NEK6: variants seen among roughly 807,000 people sequenced by gnomAD.
The protein encoded by NEK6 is serine/threonine-protein kinase Nek6.
A neutral mutation model predicts 43.5 loss-of-function variants in NEK6; 27 were observed. The observed-to-expected ratio is 0.62, with a 90% confidence interval of 0.46 to 0.86. NEK6 has a LOEUF of 0.86. Among genes scored for constraint, NEK6 ranks in the 40% least tolerant of loss-of-function variants. The probability of loss-of-function intolerance (pLI) is 0.00; values close to 1 mark genes in which losing one functional copy is unlikely to be tolerated. For missense variants in NEK6, 318 were observed against 414.4 expected (o/e 0.77, Z 2.02); for synonymous variants, 167 against 164.1 (o/e 1.02, Z -0.14).
At chr9:124,263,774 C>T (rs371498370) in intron 1 of NEK6, among the ~76,000 whole-genome samples, 76 of 152,290 alleles carry the variant, frequency 5.0e-4, no homozygotes, top group African/African-American at 1.7e-3. Flanking sequence ...AAGGAGACAG[C>T]GCAGTTTGCA....
chr9:124,290,407 A>G (rs1160928847), intron 1 of NEK6, among the ~76,000 whole-genome samples: 1 of 152,208 alleles, frequency 6.6e-6, no homozygotes, highest in African/African-American at 2.4e-5. Context: ...GGCACCTGGC[A>G]TGTGCCCGAC....
At chr9:124,328,096 G>C (rs368578841) in intron 7 of NEK6, among the ~76,000 whole-genome samples, 2 of 152,322 alleles carry the variant, frequency 1.3e-5, no homozygotes, top group South Asian at 4.1e-4. Context: ...GGGTCGGGGG[G>C]TGCTGAAGGG....
chr9:124,265,412 C>T (rs1437557026), intron 1 of NEK6, among the ~76,000 whole-genome samples: 1 of 152,118 alleles, frequency 6.6e-6, no homozygotes, highest in African/African-American at 2.4e-5. Context: ...ATCCCAGCTA[C>T]TCAGGAGGCT....
At chr9:124,335,435 A>T (rs1046658324) in intron 7 of NEK6, among the ~76,000 whole-genome samples, 2 of 152,338 alleles carry the variant, frequency 1.3e-5, no homozygotes, top group African/African-American at 4.8e-5. Context: ...TCTCACAAGC[A>T]GGGCTTTAAG....
intron 4 of NEK6, among the ~76,000 whole-genome samples, chr9:124,320,558 T>A (rs1486717052): frequency 1.3e-5 from 2 of 152,104 alleles, no homozygotes; most frequent in Non-Finnish European, 2.9e-5. Context: ...GATATTCGAG[T>A]CCCCTCTGCT....
intron 6 of NEK6, among the ~76,000 whole-genome samples, chr9:124,327,099 G>A (rs1834377708): frequency 1.3e-5 from 2 of 152,192 alleles, no homozygotes; most frequent in Non-Finnish European, 2.9e-5. Context: ...AACCCCTGCT[G>A]TCTTAACCCT....
intron 3 of NEK6, 49 bp downstream of exon 3, chr9:124,312,698 C>T: frequency 6.3e-7 from 1 of 1,580,474 alleles, no homozygotes; most frequent in South Asian, 1.1e-5. Context: ...GAGGTGGTCT[C>T]TGCATCTGGA....
At chr9:124,302,447 A>G (rs1330069226) in intron 2 of NEK6, among the ~76,000 whole-genome samples, 3 of 152,214 alleles carry the variant, frequency 2.0e-5, no homozygotes, top group Non-Finnish European at 4.4e-5. Flanking sequence ...TCTTTCTTAC[A>G]GTGAGCCAAC....
At chr9:124,257,713 C>A (rs1176389013), upstream of NEK6, 8 of 1,533,582 alleles carry the variant, frequency 5.2e-6, no homozygotes, top group Non-Finnish European at 7.0e-6. Context: ...AGACGCCGGC[C>A]TGCGCCCTGT....
At chr9:124,306,023 A>C (rs1258719224) in intron 2 of NEK6, among the ~76,000 whole-genome samples, 1 of 152,182 alleles carries the variant, frequency 6.6e-6, no homozygotes, top group Non-Finnish European at 1.5e-5. Context: ...TAGATAGATC[A>C]CTGGTGGCTC....
intron 1 of NEK6, among the ~76,000 whole-genome samples, chr9:124,280,142 T>G (rs1352698683): frequency 6.6e-6 from 1 of 151,854 alleles, no homozygotes; most frequent in Non-Finnish European, 1.5e-5. Context: ...TGTGCCTGGC[T>G]GTGTCCTTGC....
chr9:124,292,003 C>A, intron 1 of NEK6: 1 of 989,456 alleles, frequency 1.0e-6, no homozygotes, highest in Non-Finnish European at 1.2e-6. Flanking sequence ...CGACCCAGCT[C>A]CCTGGAGGCC....
intron 1 of NEK6, among the ~76,000 whole-genome samples, chr9:124,293,872 A>G (rs1351664120): frequency 6.6e-6 from 1 of 152,272 alleles, no homozygotes; most frequent in African/African-American, 2.4e-5. Flanking sequence ...TGTGTCCTCA[A>G]CAGCCCACCT....
intron 1 of NEK6, among the ~76,000 whole-genome samples, chr9:124,297,024 G>A (rs115338208): frequency 1.1e-4 from 17 of 152,364 alleles, no homozygotes; most frequent in African/African-American, 1.9e-4. Context: ...GGCAGGGTGC[G>A]GCACAGCAGC....
chr9:124,333,915 G>C (rs1386070809), intron 7 of NEK6, among the ~76,000 whole-genome samples: 2 of 151,840 alleles, frequency 1.3e-5, no homozygotes, highest in Admixed American at 6.6e-5. Context: ...GTAGCTGGGA[G>C]TACAGGCGCG....
At position 124,352,829 on chromosome 9, in the gene NEK6, C is replaced by T. The variant is rs990751255; in HGVS notation, c.*1882C>T. ...AGCTCTCTGAGCCCCTGCCGTGTCT[C>T]CCCAACACTGCCAGCCCCAGCACGC... On this transcript the variant is annotated 3_prime_UTR_variant, in exon 10 of 10. Transcript: ENST00000320246. 2.0e-5 allele frequency: 3 copies of T among 152,450 alleles called. No homozygotes were observed. The highest frequency in any genetic ancestry group is 7.2e-5 in the African/African-American group (3 of 41,450). The allele number at this position is 152,450 out of a possible 1,614,324, so 9.4% of individuals were successfully genotyped here. A position where few individuals can be genotyped will look rare whatever the true frequency, so the allele number is the denominator to read the frequency against.
intron 7 of NEK6, among the ~76,000 whole-genome samples, chr9:124,335,470 G>T (rs1439770862): frequency 6.6e-6 from 1 of 152,208 alleles, no homozygotes; most frequent in African/African-American, 2.4e-5. Flanking sequence ...CTTGTTTGGG[G>T]ATTATTGCCA....
intron 1 of NEK6, among the ~76,000 whole-genome samples, chr9:124,281,403 T>C (rs1407863303): frequency 6.6e-6 from 1 of 151,450 alleles, no homozygotes; most frequent in Non-Finnish European, 1.5e-5. Flanking sequence ...CCTAGGGCCG[T>C]GTGAAGTCTT....
Position 124,325,108 on chromosome 9 carries a change from G to A in NEK6, c.406-1222G>A, listed in dbSNP as rs184525053. Among the ~76,000 whole-genome samples, 3 of 152,216 alleles carry A rather than the reference G, an allele frequency of 2.0e-5. No homozygotes were observed. In the East Asian group the frequency reaches 5.8e-4, roughly 29 times the overall value. On this transcript the variant is annotated intron_variant, in intron 5 of 9. Coordinates refer to ENST00000320246, the MANE Select transcript of NEK6 (RefSeq NM_014397.6). ...GAGAATTGCTTGAACCCAGGAGGTG[G>A]AGGTTGCAGTGAGCTGAGATCACGC... is the stretch of plus-strand genomic sequence containing the variant.
Sources: gnomAD v4.1 joint callset for allele counts (sites outside exome capture counted in the v4.1 genomes callset) on GRCh38, gnomAD v4.1.1 for gene constraint, MANE v1.5 for transcripts, NCBI Gene and HGNC (gene_info 2026-07-23, HGNC 2026-07-21) for gene names.